Variants in CREM observed in about 807,000 individuals in gnomAD.
CREM encodes cAMP responsive element modulator.
CREM carries 13 observed loss-of-function variants against 37.3 expected under a neutral mutation model. The ratio of observed to expected loss-of-function variants is 0.35; its 90% CI spans 0.23 to 0.55. The LOEUF (loss-of-function observed/expected upper bound fraction) is 0.55. Ranked by LOEUF, CREM falls within the 20% of genes least tolerant of loss-of-function variation. The pLI is 0.88. For synonymous variants in CREM, 124 were observed against 120.2 expected (o/e 1.03, Z -0.21); for missense variants, 296 against 362.3 (o/e 0.82, Z 1.49).
intron 3 of CREM, chr10:35,175,602 T>C: frequency 6.8e-7 from 1 of 1,477,606 alleles, no homozygotes; most frequent in Non-Finnish European, 9.5e-7. Context: ...TGGAACATTC[T>C]TAGCCACCGA....
At chr10:35,179,337 G>C in intron 5 of CREM, 61 bp downstream of exon 5, 1 of 1,562,900 alleles carries the variant, frequency 6.4e-7, no homozygotes, top group South Asian at 1.2e-5. Context: ...TAGTTATATT[G>C]AAGCAACTCA....
chr10:35,206,764 A>G, intron 6 of CREM, 131 bp from the exon 7 acceptor site: 1 of 861,298 alleles, frequency 1.2e-6, no homozygotes, highest in Non-Finnish European at 1.9e-6. Flanking sequence ...AATGCTCAGA[A>G]TAATTATCTT....
At position 35,155,616 on chromosome 10, in the gene CREM, CT is replaced by C. The variant is rs1397745357; in HGVS notation, c.168+7129del. On this transcript the variant is annotated intron_variant, in intron 3 of 7. Transcript: ENST00000685392. ...TTGAGTAAGACTTAGGGATTCTTTT[CT>C]TTTCTTTTCTTTTCTTTTTTTTTTT... Among the ~76,000 whole-genome samples, 5 of 38,592 alleles carry C rather than the reference CT, an allele frequency of 1.3e-4. No homozygotes were observed. In the East Asian group the frequency reaches 2.9e-3, roughly 23 times the overall value. 25.3% of individuals were successfully genotyped at this position (38,592 alleles called of 152,430 possible).
At chr10:35,194,755 T>A (rs971312226) in intron 6 of CREM, among the ~76,000 whole-genome samples, 15 of 144,924 alleles carry the variant, frequency 1.0e-4, no homozygotes, top group Admixed American at 7.6e-4. Context: ...TTTTTTTTTT[T>A]AAATCTCCAA....
At chr10:35,163,893 T>C (rs1012045704) in intron 3 of CREM, among the ~76,000 whole-genome samples, 7 of 151,236 alleles carry the variant, frequency 4.6e-5, no homozygotes, top group Non-Finnish European at 1.0e-4. Flanking sequence ...TTCAAATTAC[T>C]CAGGAGGCTG....
chr10:35,161,409 T>A (rs2093285456), intron 3 of CREM, among the ~76,000 whole-genome samples: 1 of 151,582 alleles, frequency 6.6e-6, no homozygotes. Flanking sequence ...GCAGGAGAAT[T>A]GCTTAAACCC....
intron 6 of CREM, among the ~76,000 whole-genome samples, chr10:35,196,984 C>T (rs2095209542): frequency 6.7e-6 from 1 of 150,268 alleles, no homozygotes; most frequent in Non-Finnish European, 1.5e-5. Flanking sequence ...ATTCTCCTGC[C>T]TCAGCCTCCT....
chr10:35,132,528 A>T (rs1200592794), intron 1 of CREM, among the ~76,000 whole-genome samples: 5 of 152,240 alleles, frequency 3.3e-5, no homozygotes, highest in African/African-American at 1.2e-4. Context: ...TCGTGAATTT[A>T]TGTATAATTC....
chr10:35,179,645 A>G (rs2094267045), intron 5 of CREM: 1 of 190,860 alleles, frequency 5.2e-6, no homozygotes, highest in Admixed American at 5.9e-5. Context: ...CCACAATTAC[A>G]TACTATTCTT....
At chr10:35,186,196 C>T (rs1489686798) in intron 5 of CREM, among the ~76,000 whole-genome samples, 1 of 152,090 alleles carries the variant, frequency 6.6e-6, no homozygotes, top group Non-Finnish European at 1.5e-5. Context: ...CCTCTGGTAC[C>T]ATTTAATATC....
intron 3 of CREM, chr10:35,171,186 T>G (rs900172568): frequency 6.9e-6 from 1 of 145,326 alleles, no homozygotes; most frequent in Admixed American, 6.9e-5. Flanking sequence ...TTTTTTTTTT[T>G]GTTAAGGCAC....
intron 3 of CREM, among the ~76,000 whole-genome samples, chr10:35,149,424 A>G (rs1245717008): frequency 6.6e-6 from 1 of 152,134 alleles, no homozygotes; most frequent in Non-Finnish European, 1.5e-5. Context: ...GATCGTATAC[A>G]TTTCAGGGTT....
intron 6 of CREM, among the ~76,000 whole-genome samples, chr10:35,199,107 C>G (rs1366230981): frequency 6.6e-6 from 1 of 152,232 alleles, no homozygotes; most frequent in African/African-American, 2.4e-5. Flanking sequence ...TGAGATAGTG[C>G]CATTGCACTC....
Position 35,211,932 on chromosome 10 carries a change from TA to T in CREM, c.*538del. 1 of 957,782 alleles carries T rather than the reference TA, an allele frequency of 1.0e-6. No individual in the cohort carries two copies. The highest frequency in any genetic ancestry group is 1.4e-6 in the Non-Finnish European group (1 of 690,980). The allele number at this position is 957,782 out of a possible 1,614,324, so 59.3% of individuals were successfully genotyped here. On this transcript the variant is annotated 3_prime_UTR_variant, in exon 8 of 8. Transcript: ENST00000685392. Reference sequence around the variant, plus strand: ...TTCTTCTTTAATCACTTAACATTCCTAAAATGCTTCACTGTACGTAGTTAAG... The same window carrying T: ...TTCTTCTTTAATCACTTAACATTCCTAAATGCTTCACTGTACGTAGTTAAG...
At chr10:35,153,470 A>G (rs1169082493) in intron 3 of CREM, among the ~76,000 whole-genome samples, 2 of 152,154 alleles carry the variant, frequency 1.3e-5, no homozygotes, top group Non-Finnish European at 2.9e-5. Flanking sequence ...TATGCAATCC[A>G]TATTCATTTC....
intron 1 of CREM, among the ~76,000 whole-genome samples, chr10:35,132,920 A>C (rs2089713382): frequency 6.6e-6 from 1 of 152,222 alleles, no homozygotes; most frequent in African/African-American, 2.4e-5. Flanking sequence ...TGCTCTTGCT[A>C]CTTAAATTAC....
At chr10:35,188,116 A>G (rs1007452870) in intron 5 of CREM, 84 bp from the exon 6 acceptor site, 1 of 1,298,752 alleles carries the variant, frequency 7.7e-7, no homozygotes, top group African/African-American at 1.5e-5. Flanking sequence ...GGTAATAAAT[A>G]GACCCAGAGT....
intron 6 of CREM, among the ~76,000 whole-genome samples, chr10:35,197,624 G>GT (rs1293762157): frequency 2.0e-5 from 3 of 151,430 alleles, no homozygotes; most frequent in South Asian, 2.1e-4. Flanking sequence ...GGCTAATTTT[G>GT]TTTTTTTGTA....
intron 3 of CREM, among the ~76,000 whole-genome samples, chr10:35,156,634 CAG>C (rs1370343425): frequency 1.3e-5 from 2 of 152,164 alleles, no homozygotes; most frequent in Non-Finnish European, 2.9e-5. Flanking sequence ...ATTTGGAAAA[CAG>C]AGGCTTTGGG....
Sources: gnomAD v4.1 joint callset for allele counts (sites outside exome capture counted in the v4.1 genomes callset) on GRCh38, gnomAD v4.1.1 for gene constraint, MANE v1.5 for transcripts, NCBI Gene and HGNC (gene_info 2026-07-23, HGNC 2026-07-21) for gene names.